KCNU1: variants seen among roughly 807,000 people sequenced by gnomAD.
KCNU1 encodes potassium channel subfamily U member 1.
A neutral mutation model predicts 126.8 loss-of-function variants in KCNU1; 93 were observed. That is an observed-to-expected ratio of 0.73 (90% CI 0.62 to 0.87). The LOEUF (loss-of-function observed/expected upper bound fraction) is 0.87, where lower values mean the gene tolerates loss of function less well. Ranked by LOEUF, KCNU1 falls within the 40% of genes least tolerant of loss-of-function variation. KCNU1 has a pLI of 0.00. For missense variants in KCNU1, 1,330 were observed against 1,367.1 expected, an observed-to-expected ratio of 0.97 and a Z score of 0.43; for synonymous variants, 523 against 494.2, an observed-to-expected ratio of 1.06 and a Z score of -0.77.
chr8:36,894,884 G>T (rs565346683), intron 19 of KCNU1, among the ~76,000 whole-genome samples: 13 of 152,048 alleles, frequency 8.5e-5, no homozygotes, highest in Non-Finnish European at 1.8e-4. Context: ...TCCTTATTGT[G>T]TTATCCATCA....
intron 10 of KCNU1, among the ~76,000 whole-genome samples, chr8:36,822,559 T>C (rs975933160): frequency 1.3e-5 from 2 of 152,218 alleles, no homozygotes; most frequent in African/African-American, 4.8e-5. Context: ...TACCATTTTC[T>C]TTCTTTGGTT....
chr8:36,815,556 A>G, intron 8 of KCNU1, 40 bp from the exon 9 acceptor site: 1 of 1,086,128 alleles, frequency 9.2e-7, no homozygotes, highest in Non-Finnish European at 1.3e-6. Flanking sequence ...ATCCATCAAA[A>G]TAATGAGAAC....
At chr8:36,879,211 G>GTATATATATATATATATA (rs34121138) in intron 19 of KCNU1, among the ~76,000 whole-genome samples, 76 of 101,724 alleles carry the variant, frequency 7.5e-4, no homozygotes, top group African/African-American at 1.1e-3. Flanking sequence ...GTGTGTGTGT[G>GTATATATATATATATATA]TATATATATA....
chr8:36,888,648 C>A (rs1000415165), intron 19 of KCNU1: 2 of 534,286 alleles, frequency 3.7e-6, no homozygotes, highest in African/African-American at 3.9e-5. Context: ...TCTGAAAGTA[C>A]TGAGGATGAA....
intron 18 of KCNU1, among the ~76,000 whole-genome samples, chr8:36,849,447 G>A (rs1176134388): frequency 6.6e-6 from 1 of 152,032 alleles, no homozygotes; most frequent in Non-Finnish European, 1.5e-5. Flanking sequence ...AAATTAGCTG[G>A]GTGTGGTGGT....
chr8:36,797,001 C>T (rs1431194783), intron 2 of KCNU1, among the ~76,000 whole-genome samples: 3 of 151,992 alleles, frequency 2.0e-5, no homozygotes, highest in African/African-American at 7.2e-5. Context: ...AAAGAGAGAA[C>T]AGGTATTGGA....
intron 19 of KCNU1, among the ~76,000 whole-genome samples, chr8:36,896,971 T>A (rs1329313278): frequency 6.6e-6 from 1 of 152,006 alleles, no homozygotes; most frequent in Non-Finnish European, 1.5e-5. Flanking sequence ...TTTTTCATCT[T>A]CCATTTACTC....
At chr8:36,792,998 T>A (rs1802957385) in intron 2 of KCNU1, among the ~76,000 whole-genome samples, 1 of 152,110 alleles carries the variant, frequency 6.6e-6, no homozygotes, top group African/African-American at 2.4e-5. Flanking sequence ...ATGTGGCACA[T>A]ATACATCATG....
At chr8:36,821,057 G>C (rs1804105780) in intron 10 of KCNU1, among the ~76,000 whole-genome samples, 1 of 152,116 alleles carries the variant, frequency 6.6e-6, no homozygotes. Flanking sequence ...CTACCAACTT[G>C]AAGTAGAAGG....
chr8:36,817,499 CAAAAA>C (rs375306964), intron 9 of KCNU1, 146 bp from the exon 10 acceptor site: 13,899 of 232,610 alleles, frequency 0.06, 14 homozygotes, highest in Admixed American at 0.077. Context: ...AACTCCATCT[CAAAAA>C]AAAAAAAAAA....
Position 36,936,080 on chromosome 8 carries a change from T to A in KCNU1, c.*160T>A. 1 of 553,952 alleles carries A rather than the reference T, an allele frequency of 1.8e-6. No homozygotes were observed. The highest frequency in any genetic ancestry group is 3.1e-6 in the Non-Finnish European group (1 of 321,622). The allele number at this position is 553,952 out of a possible 1,614,324, so 34.3% of individuals were successfully genotyped here. A position where few individuals can be genotyped will look rare whatever the true frequency, so the allele number is the denominator to read the frequency against. On this transcript the variant is annotated 3_prime_UTR_variant, in exon 27 of 27. Transcript: ENST00000399881. Reference sequence around the variant, plus strand: ...CACTGTTTTGGGTGAGACAAAAGTCTAATGCCACTGGATCTTGTGTGATAA... The same window carrying A: ...CACTGTTTTGGGTGAGACAAAAGTCAAATGCCACTGGATCTTGTGTGATAA...
At chr8:36,799,175 T>G (rs1229694166) in intron 2 of KCNU1, among the ~76,000 whole-genome samples, 1 of 152,192 alleles carries the variant, frequency 6.6e-6, no homozygotes, top group African/African-American at 2.4e-5. Flanking sequence ...TGACTTCTGC[T>G]TTCCCTTCCC....
intron 22 of KCNU1, among the ~76,000 whole-genome samples, chr8:36,915,114 G>A (rs570904652): frequency 6.6e-6 from 1 of 152,326 alleles, no homozygotes; most frequent in African/African-American, 2.4e-5. Context: ...TAGAACACTA[G>A]ATTCTAAAAG....
At chr8:36,848,679 T>C (rs1366864193) in intron 18 of KCNU1, among the ~76,000 whole-genome samples, 2 of 152,172 alleles carry the variant, frequency 1.3e-5, no homozygotes, top group African/African-American at 4.8e-5. Flanking sequence ...CTCTCCACAT[T>C]TCTCCCCGCG....
intron 19 of KCNU1, among the ~76,000 whole-genome samples, chr8:36,865,354 G>A (rs1805866403): frequency 1.3e-5 from 2 of 151,982 alleles, no homozygotes. Flanking sequence ...CTACTTCTGG[G>A]CATTTATTCA....
chr8:36,822,853 A>T (rs1056712531), intron 10 of KCNU1, among the ~76,000 whole-genome samples: 2 of 152,178 alleles, frequency 1.3e-5, no homozygotes, highest in African/African-American at 4.8e-5. Flanking sequence ...ATAAAGGTCA[A>T]CTTCCTTGTC....
At chr8:36,816,100 A>ATT (rs1563272830) in intron 9 of KCNU1, among the ~76,000 whole-genome samples, 323 of 135,836 alleles carry the variant, frequency 2.4e-3, no homozygotes, top group African/African-American at 9.4e-3. Context: ...TCCAATTTAA[A>ATT]ATAATTTAGT....
chr8:36,934,361 C>T (rs776479693), intron 26 of KCNU1, among the ~76,000 whole-genome samples: 7 of 151,938 alleles, frequency 4.6e-5, no homozygotes, highest in African/African-American at 9.7e-5. Flanking sequence ...GGTCTACAGA[C>T]GACTCTGATG....
intron 23 of KCNU1, 29 bp downstream of exon 23, chr8:36,918,926 A>G (rs748459289): frequency 1.4e-6 from 2 of 1,391,142 alleles, no homozygotes; most frequent in East Asian, 2.3e-5. Flanking sequence ...GGAAAATTCA[A>G]TGGAGAAATT....
Sources: gnomAD v4.1 joint callset for allele counts (sites outside exome capture counted in the v4.1 genomes callset) on GRCh38, gnomAD v4.1.1 for gene constraint, MANE v1.5 for transcripts, NCBI Gene and HGNC (gene_info 2026-07-23, HGNC 2026-07-21) for gene names.